The following NTRK3 variants were observed in gnomAD, a reference collection of about 807,000 sequenced individuals.
The protein encoded by NTRK3 is neurotrophic receptor tyrosine kinase 3.
A neutral mutation model predicts 91.7 loss-of-function variants in NTRK3; 24 were observed. That is an observed-to-expected ratio of 0.26 (90% CI 0.19 to 0.37). NTRK3 has a LOEUF of 0.37. Ranked by LOEUF, NTRK3 falls within the 10% of genes least tolerant of loss-of-function variation. The pLI is 1.00. For synonymous variants in NTRK3, 483 were observed against 404.0 expected, an observed-to-expected ratio of 1.20 and a Z score of -2.34; for missense variants, 880 against 1,068.9, an observed-to-expected ratio of 0.82 and a Z score of 2.46.
At chr15:87,900,690 GGTGTGTGTGTGT>G (rs61498493) in intron 17 of NTRK3, among the ~76,000 whole-genome samples, 21 of 138,336 alleles carry the variant, frequency 1.5e-4, no homozygotes, top group South Asian at 4.8e-4. Context: ...CTTTACAGAG[GGTGTGTGTGTGT>G]GTGTGTGTGT....
At chr15:87,999,159 A>G (rs1271299654) in intron 14 of NTRK3, among the ~76,000 whole-genome samples, 1 of 152,204 alleles carries the variant, frequency 6.6e-6, no homozygotes, top group Admixed American at 6.5e-5. Flanking sequence ...ATCACAGGAT[A>G]TTTTAACAAA....
At chr15:87,878,708 G>T (rs1193391077) in intron 18 of NTRK3, among the ~76,000 whole-genome samples, 1 of 152,214 alleles carries the variant, frequency 6.6e-6, no homozygotes, top group African/African-American at 2.4e-5. Context: ...GGGGGAAGTG[G>T]CTGAGGGCAG....
rs564132665 is a variant in NTRK3, at chr15:88,164,309, A to G, written c.396-16906T>C. On this transcript the variant is annotated intron_variant, in intron 5 of 18. Coordinates refer to ENST00000394480, the Ensembl canonical transcript of NTRK3. ...ACTCTTGCCCCAGATGTCTTGGTTT[A>G]CTTCTCATTCCTACAAAGGATAAGT... 2.6e-5 allele frequency among the ~76,000 whole-genome samples: 4 copies of G among 152,316 alleles called. No homozygotes were observed. The East Asian group carries it at 7.7e-4, about 29-fold the overall frequency.
chr15:87,867,049 C>G (rs1210385899), exon 19 of NTRK3: 1 of 222,704 alleles, frequency 4.5e-6, no homozygotes, highest in African/African-American at 2.2e-5. Flanking sequence ...GAAAGGCTCC[C>G]CTTTCCTAAC....
intron 12 of NTRK3, among the ~76,000 whole-genome samples, chr15:88,126,594 G>T (rs944023101): frequency 6.6e-6 from 1 of 152,140 alleles, no homozygotes; most frequent in Non-Finnish European, 1.5e-5. Flanking sequence ...AAAGTTCCAC[G>T]ATTCAATGTT....
intron 17 of NTRK3, among the ~76,000 whole-genome samples, chr15:87,894,906 T>A (rs1172562333): frequency 6.6e-6 from 1 of 152,172 alleles, no homozygotes; most frequent in Admixed American, 6.6e-5. Flanking sequence ...GTTCTTTGGC[T>A]CTCTTCTCAG....
chr15:87,969,737 G>A lies in NTRK3; in HGVS notation c.1586-28984C>T, dbSNP rs138164011. 9.2e-3 allele frequency among the ~76,000 whole-genome samples: 1,395 copies of A among 152,206 alleles called. 13 individuals carry two copies. Among genetic ancestry groups the A allele is most frequent in the Admixed American group, 0.013 (199 of 15,294 alleles). ...AACTCCCTGGAGAATGACCCCTCAA[G>A]CTTTAACATTTATACTTTGACATTT... On this transcript the variant is annotated intron_variant, in intron 14 of 18. Transcript: ENST00000394480.
intron 3 of NTRK3, among the ~76,000 whole-genome samples, chr15:88,236,539 A>G (rs74467063): frequency 1.7e-5 from 2 of 117,966 alleles, no homozygotes; most frequent in Non-Finnish European, 3.7e-5. Flanking sequence ...AAAAAAAAAA[A>G]TTGTAAAAAA....
intron 17 of NTRK3, among the ~76,000 whole-genome samples, chr15:87,922,536 C>A (rs2067961436): frequency 6.6e-6 from 1 of 152,132 alleles, no homozygotes; most frequent in Admixed American, 6.5e-5. Context: ...TCTTTAGGAT[C>A]CTCTTAAAAG....
At chr15:88,093,241 A>G (rs2150779038) in intron 13 of NTRK3, among the ~76,000 whole-genome samples, 1 of 152,218 alleles carries the variant, frequency 6.6e-6, no homozygotes, top group Admixed American at 6.5e-5. Context: ...TTGGATCACA[A>G]AATCAAACAT....
rs377434901 is a variant in NTRK3, at chr15:88,255,170, T to C, written c.248+736A>G. Among the ~76,000 whole-genome samples, 1 of 152,098 alleles carries C rather than the reference T, an allele frequency of 6.6e-6. No homozygotes were observed. The highest frequency in any genetic ancestry group is 2.4e-5 in the African/African-American group (1 of 41,412). On this transcript the variant is annotated intron_variant, in intron 3 of 18. Transcript: ENST00000394480. The surrounding 1 kb of genome is among the most constrained non-coding windows in gnomAD (Gnocchi z 4.3). ...CTCCCTGCGCCATCCTGACTCGGAA[T>C]AGTTCCGAGCAGTTATCAAAGCCCA... is the stretch of plus-strand genomic sequence containing the variant.
At chr15:87,901,151 T>G (rs2066433713) in intron 17 of NTRK3, among the ~76,000 whole-genome samples, 1 of 152,202 alleles carries the variant, frequency 6.6e-6, no homozygotes. Context: ...AGCTGTGGGC[T>G]GCTCCATCTC....
At chr15:88,113,347 A>C (rs747176167) in intron 13 of NTRK3, among the ~76,000 whole-genome samples, 3 of 117,890 alleles carry the variant, frequency 2.5e-5, no homozygotes, top group Admixed American at 1.1e-4. Flanking sequence ...ACAGAGTCTC[A>C]CTCCATTGCC....
chr15:88,011,889 G>A (rs2076907278), intron 14 of NTRK3, among the ~76,000 whole-genome samples: 1 of 152,202 alleles, frequency 6.6e-6, no homozygotes, highest in African/African-American at 2.4e-5. Context: ...CTGACAGCCA[G>A]AAGTGAGCCA....
intron 14 of NTRK3, among the ~76,000 whole-genome samples, chr15:88,029,117 T>C (rs2078298720): frequency 6.6e-6 from 1 of 152,194 alleles, no homozygotes; most frequent in Non-Finnish European, 1.5e-5. Flanking sequence ...CATTTCCTGA[T>C]GCTCTCAAGA....
chr15:88,053,938 A>AAT (rs2045458071), intron 13 of NTRK3, among the ~76,000 whole-genome samples: 1 of 152,208 alleles, frequency 6.6e-6, no homozygotes, highest in Non-Finnish European at 1.5e-5. Flanking sequence ...GGTACTGATT[A>AAT]ATATGACACT....
At chr15:88,134,972 G>A (rs1275009624) in intron 10 of NTRK3, 129 bp downstream of exon 10, 7 of 1,106,154 alleles carry the variant, frequency 6.3e-6, no homozygotes, top group Non-Finnish European at 9.6e-6. Flanking sequence ...ACATGTTCCA[G>A]TGTGTGTTTT....
intron 14 of NTRK3, among the ~76,000 whole-genome samples, chr15:88,003,436 G>C (rs1315091720): frequency 6.6e-6 from 1 of 152,202 alleles, no homozygotes; most frequent in Non-Finnish European, 1.5e-5. Flanking sequence ...ACTGTTTTGA[G>C]TCCTTGGCAG....
At chr15:87,957,703 G>C (rs986898531) in intron 14 of NTRK3, among the ~76,000 whole-genome samples, 3 of 152,214 alleles carry the variant, frequency 2.0e-5, no homozygotes, top group African/African-American at 7.2e-5. Context: ...TCACAGAAGT[G>C]AGAAATAAGT....
Sources: allele counts gnomAD v4.1 joint callset (sites outside exome capture counted in the v4.1 genomes callset), GRCh38; gene constraint gnomAD v4.1.1; non-coding constraint Gnocchi (gnomAD v3.1); transcripts MANE v1.5; gene names NCBI Gene and HGNC (gene_info 2026-07-23, HGNC 2026-07-21).